Variants in LDLRAD3 observed in about 807,000 individuals in gnomAD.
LDLRAD3 encodes the protein low density lipoprotein receptor class A domain containing 3.
LDLRAD3 carries 20 observed loss-of-function variants against 29.4 expected under a neutral mutation model. The ratio of observed to expected loss-of-function variants is 0.68; its 90% CI spans 0.48 to 0.99. The LOEUF (loss-of-function observed/expected upper bound fraction) is 0.99. LDLRAD3 is among the 50% of genes least tolerant of loss of function. The probability of loss-of-function intolerance (pLI) is 0.00; values close to 1 mark genes in which losing one functional copy is unlikely to be tolerated. For missense variants in LDLRAD3, 420 were observed against 454.3 expected, an observed-to-expected ratio of 0.92 and a Z score of 0.69; for synonymous variants, 157 against 192.7, an observed-to-expected ratio of 0.81 and a Z score of 1.53.
At chr11:36,218,808 G>A (rs987956900) in intron 4 of LDLRAD3, among the ~76,000 whole-genome samples, 1 of 152,144 alleles carries the variant, frequency 6.6e-6, no homozygotes, top group Non-Finnish European at 1.5e-5. Context: ...GTTTGTAATA[G>A]CAAAAATGGG....
In LDLRAD3 at chr11:36,020,834, G is replaced by A. The variant is rs112654839; in HGVS notation, c.47-15269G>A. Among the ~76,000 whole-genome samples, 173 of 152,278 alleles carry A rather than the reference G, an allele frequency of 1.1e-3. 1 individual carries two copies. Among genetic ancestry groups the A allele is most frequent in the African/African-American group, 3.6e-3 (148 of 41,548 alleles). On this transcript the variant is annotated intron_variant, in intron 1 of 5. Transcript: ENST00000315571. ...ATGGGGATTTGAAACAGCATGTGAC[G>A]TGGTCAGATTTGTTCTACAGCTGTG... is the stretch of plus-strand genomic sequence containing the variant.
intron 4 of LDLRAD3, among the ~76,000 whole-genome samples, chr11:36,133,422 C>G (rs1025374655): frequency 2.6e-5 from 4 of 151,410 alleles, no homozygotes; most frequent in African/African-American, 7.3e-5. Flanking sequence ...CAAGGTCTTG[C>G]TCTGTTTTCC....
At position 36,227,214 on chromosome 11, in the gene LDLRAD3, A is replaced by ACCACC. The variant is rs750570494; in HGVS notation, c.585_589dup (p.Gln197ProfsTer10). 6.2e-7 allele frequency: 1 copy of ACCACC among 1,614,132 alleles called. No individual in the cohort carries two copies. Among genetic ancestry groups the ACCACC allele is most frequent in the South Asian group, 1.1e-5 (1 of 91,078 alleles). Reference sequence around the variant, plus strand: ...GTGGCCCTGCTGGCACTGGTCTTGCACCACCAGCGGAAGCGGAACAACCTC... The same window carrying ACCACC: ...GTGGCCCTGCTGGCACTGGTCTTGCACCACCCCACCAGCGGAAGCGGAACAACCTC... On this transcript the variant is annotated frameshift_variant, in exon 5 of 6. Coordinates refer to ENST00000315571, the MANE Select transcript of LDLRAD3 (RefSeq NM_174902.4). LOFTEE classifies it high-confidence loss of function.
At chr11:35,966,222 T>G (rs1851339609) in intron 1 of LDLRAD3, among the ~76,000 whole-genome samples, 1 of 152,074 alleles carries the variant, frequency 6.6e-6, no homozygotes. Context: ...GTCAGGAGTT[T>G]GAGACCAGCC....
chr11:36,172,401 C>G (rs1854610369), intron 4 of LDLRAD3, among the ~76,000 whole-genome samples: 1 of 151,298 alleles, frequency 6.6e-6, no homozygotes, highest in Non-Finnish European at 1.5e-5. Flanking sequence ...TTGTCTTGTT[C>G]CAGTTCTCGG....
rs982284950 is a variant in LDLRAD3 at position 36,066,164 on chromosome 11, T to C, written c.194-15489T>C. 5.3e-5 allele frequency among the ~76,000 whole-genome samples: 8 copies of C among 151,938 alleles called. No individual in the cohort carries two copies. The East Asian group carries it at 1.2e-3, about 22-fold the overall frequency. On this transcript the variant is annotated intron_variant, in intron 2 of 5. Transcript: ENST00000315571. ...CTTACACTCTTCACTCATTTTCTTT[T>C]TTTTTTTTTTCTTACTTTTTTCTAC...
At chr11:36,004,346 C>T (rs1590200267) in intron 1 of LDLRAD3, among the ~76,000 whole-genome samples, 1 of 152,190 alleles carries the variant, frequency 6.6e-6, no homozygotes, top group East Asian at 1.9e-4. Context: ...GTAGTCCCCA[C>T]ACAAGTCTGA....
intron 2 of LDLRAD3, among the ~76,000 whole-genome samples, chr11:36,038,989 G>T (rs191858872): frequency 0.035 from 3,077 of 88,010 alleles, 71 homozygotes; most frequent in East Asian, 0.14. Context: ...TTTTTTTTTA[G>T]ACGGAGTCTT....
intron 1 of LDLRAD3, among the ~76,000 whole-genome samples, chr11:36,003,918 T>C (rs1159642302): frequency 1.3e-5 from 2 of 151,776 alleles, no homozygotes; most frequent in East Asian, 3.9e-4. Flanking sequence ...AAGGGGGAAG[T>C]GCCACACACT....
intron 2 of LDLRAD3, among the ~76,000 whole-genome samples, chr11:36,059,840 CT>C (rs1852671462): frequency 6.6e-6 from 1 of 152,212 alleles, no homozygotes; most frequent in African/African-American, 2.4e-5. Flanking sequence ...CCTCCCCTGC[CT>C]TGTGAAAGGC....
At chr11:36,210,880 A>G (rs1855275860) in intron 4 of LDLRAD3, among the ~76,000 whole-genome samples, 1 of 152,226 alleles carries the variant, frequency 6.6e-6, no homozygotes, top group South Asian at 2.1e-4. Flanking sequence ...AAAAGAGCTA[A>G]TGGAGGGATA....
At chr11:36,206,147 G>A (rs1855204763) in intron 4 of LDLRAD3, among the ~76,000 whole-genome samples, 1 of 152,192 alleles carries the variant, frequency 6.6e-6, no homozygotes, top group Non-Finnish European at 1.5e-5. Flanking sequence ...TGTTAGAGAA[G>A]CAAACATTCA....
intron 4 of LDLRAD3, among the ~76,000 whole-genome samples, chr11:36,202,387 GAATACCC>G (rs1855139967): frequency 6.6e-6 from 1 of 152,108 alleles, no homozygotes; most frequent in Non-Finnish European, 1.5e-5. Context: ...ACTATAGCAG[GAATACCC>G]AATAATAATA....
intron 2 of LDLRAD3, among the ~76,000 whole-genome samples, chr11:36,064,213 G>A (rs991210431): frequency 6.6e-6 from 1 of 152,148 alleles, no homozygotes; most frequent in Non-Finnish European, 1.5e-5. Flanking sequence ...TTGGATTGCT[G>A]ATTGCTAGTG....
chr11:36,118,406 C>A (rs1304969010), intron 4 of LDLRAD3, among the ~76,000 whole-genome samples: 1 of 151,940 alleles, frequency 6.6e-6, no homozygotes, highest in African/African-American at 2.4e-5. Context: ...TAGAGGGAAA[C>A]GTCTGCATGG....
At chr11:36,007,573 G>A (rs560330620) in intron 1 of LDLRAD3, among the ~76,000 whole-genome samples, 4 of 152,254 alleles carry the variant, frequency 2.6e-5, no homozygotes, top group African/African-American at 7.2e-5. Context: ...TGGAAGGACC[G>A]GCGGCTTGGG....
intron 4 of LDLRAD3, among the ~76,000 whole-genome samples, chr11:36,181,994 AAGTC>A (rs1854771163): frequency 6.6e-6 from 1 of 152,174 alleles, no homozygotes; most frequent in Admixed American, 6.5e-5. Flanking sequence ...CAGAAATAAA[AAGTC>A]AGACTGAGTG....
intron 4 of LDLRAD3, among the ~76,000 whole-genome samples, chr11:36,121,296 G>T (rs2133296244): frequency 6.6e-6 from 1 of 152,258 alleles, no homozygotes; most frequent in South Asian, 2.1e-4. Context: ...GGAGCCAGAA[G>T]ACACCCGGGG....
intron 2 of LDLRAD3, among the ~76,000 whole-genome samples, chr11:36,063,912 T>C (rs1470986984): frequency 6.6e-6 from 1 of 152,190 alleles, no homozygotes; most frequent in Non-Finnish European, 1.5e-5. Context: ...TGAATCTCCA[T>C]ATGAATTTAT....
Sources: gnomAD v4.1 joint callset for allele counts (sites outside exome capture counted in the v4.1 genomes callset) on GRCh38, gnomAD v4.1.1 for gene constraint, MANE v1.5 for transcripts, NCBI Gene and HGNC (gene_info 2026-07-23, HGNC 2026-07-21) for gene names.